The following THSD4 variants were observed in gnomAD, a reference collection of about 807,000 sequenced individuals.
THSD4 encodes the protein thrombospondin type 1 domain containing 4.
THSD4 carries 69 observed loss-of-function variants against 119.0 expected under a neutral mutation model. That is an observed-to-expected ratio of 0.58 (90% CI 0.48 to 0.71). THSD4 has a LOEUF of 0.71. Among genes scored for constraint, THSD4 ranks in the 30% least tolerant of loss-of-function variants. The probability of loss-of-function intolerance (pLI) is 0.00; values close to 1 mark genes in which losing one functional copy is unlikely to be tolerated. For missense variants in THSD4, 1,393 were observed against 1,391.1 expected (o/e 1.00, Z -0.02); for synonymous variants, 524 against 540.4 (o/e 0.97, Z 0.42).
intron 6 of THSD4, among the ~76,000 whole-genome samples, chr15:71,266,336 C>T (rs2044465424): frequency 6.6e-6 from 1 of 152,138 alleles, no homozygotes; most frequent in Admixed American, 6.5e-5. Context: ...AGTGGACCTC[C>T]AACAAACTCC....
At chr15:71,651,793 G>A (rs1325660878) in intron 7 of THSD4, among the ~76,000 whole-genome samples, 1 of 152,168 alleles carries the variant, frequency 6.6e-6, no homozygotes, top group Non-Finnish European at 1.5e-5. Flanking sequence ...AACAGTCATT[G>A]TTTTTGTTAA....
At chr15:71,499,648 A>G (rs181705040) in intron 7 of THSD4, among the ~76,000 whole-genome samples, 40 of 152,000 alleles carry the variant, frequency 2.6e-4, no homozygotes, top group African/African-American at 9.2e-4. Flanking sequence ...CCATTGAACA[A>G]CTCCTTGTTT....
At chr15:71,664,254 T>C (rs2051370953) in intron 8 of THSD4, among the ~76,000 whole-genome samples, 2 of 152,160 alleles carry the variant, frequency 1.3e-5, no homozygotes, top group African/African-American at 2.4e-5. Flanking sequence ...AGTGCTGGGA[T>C]TACAGGCATG....
In THSD4 at chr15:71,250,971, A is replaced by G. The variant is rs140967465; in HGVS notation, c.913-5642A>G. 3.4e-3 allele frequency among the ~76,000 whole-genome samples: 511 copies of G among 152,322 alleles called. 5 individuals carry two copies. Among genetic ancestry groups the G allele is most frequent in the African/African-American group, 0.011 (467 of 41,582 alleles). ...TTACAAAAATCTCAGATAAAACAAA[A>G]CAAAACAAAACAACAACAATGAAAA... On this transcript the variant is annotated intron_variant, in intron 5 of 17. Transcript: ENST00000261862.
chr15:71,533,891 C>T (rs1358624808), intron 7 of THSD4, among the ~76,000 whole-genome samples: 1 of 152,116 alleles, frequency 6.6e-6, no homozygotes, highest in Non-Finnish European at 1.5e-5. Flanking sequence ...ATATTTTGAA[C>T]TAAAATAACC....
rs971040686 is a variant in THSD4 at position 71,411,878 on chromosome 15, ACT to A, written c.1152+57_1152+58del. 6.9e-6 allele frequency: 11 copies of A among 1,600,790 alleles called. No homozygotes were observed. The Admixed American group carries it at 1.8e-4, about 27-fold the overall frequency. On this transcript the variant is annotated intron_variant, in intron 7 of 17. Coordinates refer to ENST00000261862, the MANE Select transcript of THSD4 (RefSeq NM_024817.3). ...TAAGGTGTTTGATCTGTGACTGCTGACTCCATTGTTTTCCAGGGAGAGACTAG... is the reference window on the plus strand; with the variant it reads ...TAAGGTGTTTGATCTGTGACTGCTGACCATTGTTTTCCAGGGAGAGACTAG...
chr15:71,635,584 C>T (rs1049181160), intron 7 of THSD4, among the ~76,000 whole-genome samples: 1 of 152,166 alleles, frequency 6.6e-6, no homozygotes, highest in Non-Finnish European at 1.5e-5. Flanking sequence ...AAAGGAAACA[C>T]GTCATGGATT....
chr15:71,750,385 A>G (rs559184139), intron 14 of THSD4, among the ~76,000 whole-genome samples: 3 of 152,310 alleles, frequency 2.0e-5, no homozygotes, highest in South Asian at 4.1e-4. Flanking sequence ...AGGTGTTCAC[A>G]TAGGTTTTCT....
rs564192104 is a variant in THSD4 at position 71,313,568 on chromosome 15, C to T, written c.1015+56853C>T. ...TACCTAGGTGATGGGTTGATAGGTG[C>T]AGCAAACCACCATGGCACACGTTTA... is the stretch of plus-strand genomic sequence containing the variant. On this transcript the variant is annotated intron_variant, in intron 6 of 17. Coordinates refer to ENST00000261862, the MANE Select transcript of THSD4 (RefSeq NM_024817.3). 6.6e-5 allele frequency among the ~76,000 whole-genome samples: 10 copies of T among 152,258 alleles called. No homozygotes were observed. In the South Asian group the frequency reaches 2.1e-3, roughly 32 times the overall value.
intron 7 of THSD4, among the ~76,000 whole-genome samples, chr15:71,651,962 C>T (rs2051098985): frequency 6.6e-6 from 1 of 152,196 alleles, no homozygotes; most frequent in South Asian, 2.1e-4. Flanking sequence ...CCATCATTGC[C>T]TTCTGGCCAT....
intron 6 of THSD4, among the ~76,000 whole-genome samples, chr15:71,315,654 C>T (rs1050112774): frequency 3.3e-5 from 5 of 152,130 alleles, no homozygotes; most frequent in South Asian, 2.1e-4. Context: ...ACTGAGGTGG[C>T]GGCGGGGAGG....
At chr15:71,255,240 AAC>A (rs148275981) in intron 5 of THSD4, among the ~76,000 whole-genome samples, 6 of 150,964 alleles carry the variant, frequency 4.0e-5, no homozygotes, top group East Asian at 3.9e-4. Flanking sequence ...CACACACACA[AAC>A]ACACACACAC....
chr15:71,387,338 A>G (rs2046307417), intron 6 of THSD4, among the ~76,000 whole-genome samples: 1 of 152,162 alleles, frequency 6.6e-6, no homozygotes, highest in Non-Finnish European at 1.5e-5. Context: ...ATTCTCTCCA[A>G]ACCAAATGGT....
At chr15:71,447,399 A>C (rs2047200647) in intron 7 of THSD4, among the ~76,000 whole-genome samples, 1 of 151,930 alleles carries the variant, frequency 6.6e-6, no homozygotes, top group African/African-American at 2.4e-5. Flanking sequence ...CCAAAGTGCA[A>C]GGATTACAGG....
Position 71,765,167 on chromosome 15 carries a change from G to A in THSD4, c.2737G>A (p.Gly913Arg), listed in dbSNP as rs536717328. The A allele has an allele frequency of 1.2e-5, 19 of 1,614,162 alleles. No homozygotes were observed. Among genetic ancestry groups the A allele is most frequent in the Middle Eastern group, 1.6e-4 (1 of 6,062 alleles). ...GCAATCCTGCCACCTCAAGCCTTGC[G>A]GAGCCAAATGGTTTAGCACCGAATG... ...SQQSCHLKPC[G>R]AKWFSTEWSM... is the part of the protein sequence containing the mutation. The change falls in exon 16 of 18, where the codon GGA becomes AGA. Residue 913 changes from glycine to arginine, a missense_variant. Gly to Arg is a moderately radical substitution (Grantham distance 125). Coordinates refer to ENST00000261862, the MANE Select transcript of THSD4 (RefSeq NM_024817.3).
chr15:71,648,636 G>A (rs2051019862), intron 7 of THSD4, among the ~76,000 whole-genome samples: 1 of 152,212 alleles, frequency 6.6e-6, no homozygotes. Context: ...GATTGTGACA[G>A]TTTACCTGTT....
intron 6 of THSD4, among the ~76,000 whole-genome samples, chr15:71,363,111 G>A (rs1055328199): frequency 7.2e-5 from 11 of 152,140 alleles, no homozygotes; most frequent in African/African-American, 2.7e-4. Flanking sequence ...TGCTGTAAAG[G>A]GTACAGAGTG....
At chr15:71,766,848 C>T (rs1438787465) in intron 16 of THSD4, 5 of 152,018 alleles carry the variant, frequency 3.3e-5, no homozygotes, top group South Asian at 2.1e-4. Flanking sequence ...GATGAACTTC[C>T]GGTGCGTTTT....
intron 7 of THSD4, among the ~76,000 whole-genome samples, chr15:71,646,705 A>C (rs1458732691): frequency 6.6e-6 from 1 of 152,250 alleles, no homozygotes; most frequent in East Asian, 1.9e-4. Flanking sequence ...GTCACTAATT[A>C]TTACGTATTT....
Sources: gnomAD v4.1 joint callset for allele counts (sites outside exome capture counted in the v4.1 genomes callset) on GRCh38, gnomAD v4.1.1 for gene constraint, MANE v1.5 for transcripts, NCBI Gene and HGNC (gene_info 2026-07-23, HGNC 2026-07-21) for gene names.